The following TMEM108 variants were observed in gnomAD, a reference collection of about 807,000 sequenced individuals.
The protein encoded by TMEM108 is cancer/testis antigen 124.
In TMEM108, 12 loss-of-function variants were observed where a neutral mutation model predicts 35.1. That is an observed-to-expected ratio of 0.34 (90% CI 0.22 to 0.55). The LOEUF is 0.55. TMEM108 is among the 20% of genes least tolerant of loss of function. The pLI is 0.89. For synonymous variants in TMEM108, 287 were observed against 308.6 expected, an observed-to-expected ratio of 0.93 and a Z score of 0.73; for missense variants, 680 against 753.3, an observed-to-expected ratio of 0.90 and a Z score of 1.14.
intron 3 of TMEM108, among the ~76,000 whole-genome samples, chr3:133,233,501 C>G (rs1374317206): frequency 6.6e-6 from 1 of 152,164 alleles, no homozygotes; most frequent in Admixed American, 6.5e-5. Flanking sequence ...AATAAACATA[C>G]GTGTGCATGT....
intron 2 of TMEM108, among the ~76,000 whole-genome samples, chr3:133,208,157 C>T (rs1411296543): frequency 6.6e-6 from 1 of 152,172 alleles, no homozygotes; most frequent in Non-Finnish European, 1.5e-5. Flanking sequence ...CTTGTTGAAG[C>T]ACAGATTACT....
intron 2 of TMEM108, among the ~76,000 whole-genome samples, chr3:133,096,455 G>A (rs1243949337): frequency 6.6e-6 from 1 of 152,206 alleles, no homozygotes; most frequent in East Asian, 1.9e-4. Context: ...ATTGTGCTCA[G>A]TAGTTGTGGT....
At chr3:133,159,814 C>T (rs964380872) in intron 2 of TMEM108, among the ~76,000 whole-genome samples, 4 of 152,134 alleles carry the variant, frequency 2.6e-5, no homozygotes, top group Non-Finnish European at 5.9e-5. Flanking sequence ...TACTCTATGC[C>T]CATCCTGTAT....
At chr3:133,238,659 A>G (rs1946272444) in intron 3 of TMEM108, among the ~76,000 whole-genome samples, 1 of 152,120 alleles carries the variant, frequency 6.6e-6, no homozygotes, top group South Asian at 2.1e-4. Context: ...CTAGAGAGAG[A>G]TTCAAGGAGC....
intron 2 of TMEM108, among the ~76,000 whole-genome samples, chr3:133,165,868 G>A (rs1295693550): frequency 4.6e-5 from 7 of 152,110 alleles, no homozygotes; most frequent in Admixed American, 4.6e-4. Flanking sequence ...TTCACTTTGG[G>A]GTGGACACTT....
chr3:133,057,903 T>A (rs569160561), intron 2 of TMEM108, among the ~76,000 whole-genome samples: 1 of 152,290 alleles, frequency 6.6e-6, no homozygotes, highest in African/African-American at 2.4e-5. Flanking sequence ...GAGTGAATTT[T>A]AGGTAGAAGA....
chr3:133,137,425 A>C (rs2107751459), intron 2 of TMEM108, among the ~76,000 whole-genome samples: 1 of 152,272 alleles, frequency 6.6e-6, no homozygotes, highest in South Asian at 2.1e-4. Flanking sequence ...TTATCCCTTG[A>C]TCGAAACACC....
intron 2 of TMEM108, among the ~76,000 whole-genome samples, chr3:133,174,292 A>C (rs1362604247): frequency 6.6e-6 from 1 of 152,244 alleles, no homozygotes; most frequent in East Asian, 1.9e-4. Context: ...TCCTCTGCAG[A>C]CTTAAATGTC....
At chr3:133,275,644 A>G (rs571866442) in intron 3 of TMEM108, among the ~76,000 whole-genome samples, 2 of 152,320 alleles carry the variant, frequency 1.3e-5, no homozygotes, top group African/African-American at 4.8e-5. Context: ...TTTTAAAATG[A>G]AATACAGTAT....
chr3:133,261,866 C>T (rs946301732), intron 3 of TMEM108, among the ~76,000 whole-genome samples: 2 of 152,154 alleles, frequency 1.3e-5, no homozygotes, highest in Non-Finnish European at 2.9e-5. Flanking sequence ...TTATAGTTAG[C>T]TCAGTGTAAA....
At chr3:133,166,328 C>G (rs1945036187) in intron 2 of TMEM108, among the ~76,000 whole-genome samples, 1 of 152,152 alleles carries the variant, frequency 6.6e-6, no homozygotes, top group Admixed American at 6.5e-5. Context: ...TCTGCACATG[C>G]ACCCGTAAAC....
chr3:133,044,586 C>G (rs1311485950), intron 1 of TMEM108, among the ~76,000 whole-genome samples: 1 of 152,216 alleles, frequency 6.6e-6, no homozygotes, highest in Non-Finnish European at 1.5e-5. Flanking sequence ...AATGCAGAAT[C>G]TCTGGCTTCA....
intron 1 of TMEM108, among the ~76,000 whole-genome samples, chr3:133,040,333 A>C (rs1297267347): frequency 6.6e-6 from 1 of 151,116 alleles, no homozygotes; most frequent in Non-Finnish European, 1.5e-5. Context: ...CCTCCCGAGT[A>C]GCTGGGATTA....
chr3:133,124,636 C>T (rs1038648218), intron 2 of TMEM108, among the ~76,000 whole-genome samples: 17 of 152,266 alleles, frequency 1.1e-4, no homozygotes, highest in Middle Eastern at 3.4e-3. Flanking sequence ...AAAAGATAAG[C>T]GACAAAAAGC....
At chr3:133,163,701 A>G (rs1253945618) in intron 2 of TMEM108, among the ~76,000 whole-genome samples, 1 of 152,144 alleles carries the variant, frequency 6.6e-6, no homozygotes, top group African/African-American at 2.4e-5. Context: ...GGAGAGAGGG[A>G]GGATATTTTA....
chr3:133,386,401 C>A (rs528124923), intron 4 of TMEM108: 2 of 1,536,012 alleles, frequency 1.3e-6, no homozygotes, highest in African/African-American at 2.7e-5. Context: ...TGCAGGGTTT[C>A]ATTTCCATTT....
intron 2 of TMEM108, among the ~76,000 whole-genome samples, chr3:133,083,625 T>G (rs1252304541): frequency 6.6e-6 from 1 of 152,224 alleles, no homozygotes; most frequent in Non-Finnish European, 1.5e-5. Context: ...ATTGGGCAAT[T>G]TATATTTCTT....
Position 133,061,129 on chromosome 3 carries a change from A to T in TMEM108, c.-47+15109A>T, listed in dbSNP as rs545158774. On this transcript the variant is annotated intron_variant, in intron 2 of 5. Transcript: ENST00000321871. ...TGCAAGGCCTGTTCAATAAAATCTT[A>T]GCAGTGTTTTTTCCAAGTGATTTTT... 1.3e-3 allele frequency among the ~76,000 whole-genome samples: 195 copies of T among 152,080 alleles called. 1 individual carries two copies. Among genetic ancestry groups the T allele is most frequent in the Non-Finnish European group, 7.8e-4 (53 of 67,988 alleles).
At chr3:133,080,158 G>C (rs566028136) in intron 2 of TMEM108, among the ~76,000 whole-genome samples, 3 of 152,260 alleles carry the variant, frequency 2.0e-5, no homozygotes, top group Admixed American at 6.5e-5. Context: ...GAGCACAGAT[G>C]GGGGACCGTT....
Sources: gnomAD v4.1 joint callset for allele counts (sites outside exome capture counted in the v4.1 genomes callset) on GRCh38, gnomAD v4.1.1 for gene constraint, MANE v1.5 for transcripts, NCBI Gene and HGNC (gene_info 2026-07-23, HGNC 2026-07-21) for gene names.